GNG12: variants seen among roughly 807,000 people sequenced by gnomAD.
The protein encoded by GNG12 is G protein subunit gamma 12.
For missense variants in GNG12, 69 were observed against 83.8 expected (o/e 0.82, Z 0.69); for synonymous variants, 28 against 29.7 (o/e 0.94, Z 0.19).
intron 2 of GNG12, among the ~76,000 whole-genome samples, chr1:67,720,023 C>T (rs1646348121): frequency 6.6e-6 from 1 of 152,202 alleles, no homozygotes; most frequent in Non-Finnish European, 1.5e-5. Context: ...AAACAGGATA[C>T]ACCTTGCTGC....
intron 1 of GNG12, among the ~76,000 whole-genome samples, chr1:67,783,467 T>C (rs1170212254): frequency 1.3e-5 from 2 of 152,134 alleles, no homozygotes; most frequent in African/African-American, 2.4e-5. Flanking sequence ...ATTTTATACA[T>C]AAAATAGTAT....
intron 2 of GNG12, among the ~76,000 whole-genome samples, chr1:67,739,610 G>A (rs1646471621): frequency 6.6e-6 from 1 of 152,240 alleles, no homozygotes. Context: ...CATCTTCAAA[G>A]GAAGAGCCTG....
chr1:67,757,554 G>C (rs766712259), intron 2 of GNG12, among the ~76,000 whole-genome samples: 2 of 152,178 alleles, frequency 1.3e-5, no homozygotes, highest in Non-Finnish European at 2.9e-5. Flanking sequence ...GACATGGCTG[G>C]AAGATGCCAA....
intron 2 of GNG12, among the ~76,000 whole-genome samples, chr1:67,745,412 C>T (rs1646502543): frequency 6.6e-6 from 1 of 152,212 alleles, no homozygotes; most frequent in Non-Finnish European, 1.5e-5. Context: ...CTGGGCCCTG[C>T]TTCTTCCCAG....
At chr1:67,781,159 G>A (rs1293423921) in intron 1 of GNG12, among the ~76,000 whole-genome samples, 1 of 152,130 alleles carries the variant, frequency 6.6e-6, no homozygotes, top group Admixed American at 6.5e-5. Flanking sequence ...TAGGATTGTG[G>A]CCCAGCCTAC....
chr1:67,823,675 T>C (rs111828217), intron 1 of GNG12, among the ~76,000 whole-genome samples: 2 of 152,348 alleles, frequency 1.3e-5, no homozygotes, highest in South Asian at 2.1e-4. Context: ...GACACTTTTA[T>C]GGCCATTGGC....
At chr1:67,737,770 G>T (rs963139702) in intron 2 of GNG12, among the ~76,000 whole-genome samples, 1 of 152,010 alleles carries the variant, frequency 6.6e-6, no homozygotes, top group African/African-American at 2.4e-5. Flanking sequence ...AACAAGAGTG[G>T]TGCCATTACA....
chr1:67,730,472 T>G (rs1646412538), intron 2 of GNG12, among the ~76,000 whole-genome samples: 1 of 152,080 alleles, frequency 6.6e-6, no homozygotes, highest in Admixed American at 6.5e-5. Context: ...GCCATTGCAC[T>G]CCAGCCTGGT....
At chr1:67,713,368 G>C (rs1335382025) in intron 2 of GNG12, among the ~76,000 whole-genome samples, 8 of 152,194 alleles carry the variant, frequency 5.3e-5, no homozygotes, top group Non-Finnish European at 1.2e-4. Context: ...CTTCGCATTG[G>C]TTTTAATGCT....
intron 2 of GNG12, among the ~76,000 whole-genome samples, chr1:67,710,544 G>A (rs908524147): frequency 2.0e-5 from 3 of 152,046 alleles, no homozygotes; most frequent in Non-Finnish European, 4.4e-5. Context: ...ATGGCCATTG[G>A]CAAGCAGTCT....
chr1:67,763,251 T>C (rs1646617074), intron 2 of GNG12, among the ~76,000 whole-genome samples: 1 of 152,204 alleles, frequency 6.6e-6, no homozygotes, highest in Non-Finnish European at 1.5e-5. Context: ...TATTATCTGA[T>C]CTACAACCTT....
At chr1:67,785,048 C>T (rs1646760286) in intron 1 of GNG12, among the ~76,000 whole-genome samples, 1 of 152,190 alleles carries the variant, frequency 6.6e-6, no homozygotes, top group South Asian at 2.1e-4. Context: ...ATCCCTCTTT[C>T]TCTGAGTCAC....
intron 1 of GNG12, among the ~76,000 whole-genome samples, chr1:67,811,866 C>T (rs1171988724): frequency 1.3e-5 from 2 of 151,930 alleles, no homozygotes; most frequent in African/African-American, 2.4e-5. Context: ...GATGTAGAGG[C>T]TATAACCAAG....
intron 2 of GNG12, among the ~76,000 whole-genome samples, chr1:67,771,407 A>T (rs1646673788): frequency 6.6e-6 from 1 of 152,234 alleles, no homozygotes; most frequent in Non-Finnish European, 1.5e-5. Context: ...TAAGTAAGTA[A>T]AGTAGTAGGA....
chr1:67,748,981 T>TAA (rs55634934), intron 2 of GNG12, among the ~76,000 whole-genome samples: 4 of 146,444 alleles, frequency 2.7e-5, no homozygotes, highest in Non-Finnish European at 4.5e-5. Flanking sequence ...AAACTCTCCT[T>TAA]AAAAAAAAAA....
intron 2 of GNG12, among the ~76,000 whole-genome samples, chr1:67,733,376 CT>C (rs1284335968): frequency 1.2e-4 from 18 of 152,282 alleles, no homozygotes; most frequent in African/African-American, 4.3e-4. Context: ...TCAATATAGT[CT>C]TTTTCTTTCA....
intron 2 of GNG12, among the ~76,000 whole-genome samples, chr1:67,759,039 C>T (rs1646586879): frequency 6.6e-6 from 1 of 152,138 alleles, no homozygotes; most frequent in Admixed American, 6.5e-5. Context: ...GTGCAATGTT[C>T]CCAACACAAA....
intron 3 of GNG12, 26 bp downstream of exon 3, chr1:67,707,566 CAT>C (rs777401241): frequency 5.2e-6 from 6 of 1,148,860 alleles, no homozygotes; most frequent in Admixed American, 3.6e-5. Context: ...GAGCAGAAAG[CAT>C]ATGTTATCCA....
chr1:67,788,410 T>G (rs557065306), intron 1 of GNG12, among the ~76,000 whole-genome samples: 2 of 152,120 alleles, frequency 1.3e-5, no homozygotes, highest in Admixed American at 1.3e-4. Flanking sequence ...AGGTCACAGT[T>G]CCCTGCAGCC....
Sources: allele counts gnomAD v4.1 joint callset (sites outside exome capture counted in the v4.1 genomes callset), GRCh38; gene constraint gnomAD v4.1.1; transcripts MANE v1.5; gene names NCBI Gene and HGNC (gene_info 2026-07-23, HGNC 2026-07-21).